KCNQ5: variants seen among roughly 807,000 people sequenced by gnomAD.
KCNQ5 encodes potassium voltage-gated channel subfamily KQT member 5.
KCNQ5 carries 30 observed loss-of-function variants against 98.2 expected under a neutral mutation model. That is an observed-to-expected ratio of 0.31 (90% CI 0.23 to 0.41). The LOEUF is 0.41. Among genes scored for constraint, KCNQ5 ranks in the 10% least tolerant of loss-of-function variants. KCNQ5 has a pLI of 1.00. For synonymous variants in KCNQ5, 458 were observed against 449.4 expected (o/e 1.02, Z -0.24); for missense variants, 835 against 1,182.5 (o/e 0.71, Z 4.31).
chr6:73,149,707 G>A (rs567860440), intron 10 of KCNQ5, among the ~76,000 whole-genome samples: 1 of 151,470 alleles, frequency 6.6e-6, no homozygotes, highest in East Asian at 2.0e-4. Context: ...TGAGGCGGAA[G>A]AATCGTTTGA....
chr6:72,903,171 T>A (rs528746798), intron 1 of KCNQ5, among the ~76,000 whole-genome samples: 42 of 152,302 alleles, frequency 2.8e-4, no homozygotes, highest in African/African-American at 1.0e-3. Context: ...GTGGTGTCAG[T>A]TTTAATATCT....
rs185754411 is a variant in KCNQ5, at chr6:72,683,507, A to G, written c.398+60920A>G. Among the ~76,000 whole-genome samples, 6 of 151,682 alleles carry G rather than the reference A, an allele frequency of 4.0e-5. No homozygotes were observed. The East Asian group carries it at 5.8e-4, about 15-fold the overall frequency. On this transcript the variant is annotated intron_variant, in intron 1 of 13. Coordinates refer to ENST00000370398, the MANE Select transcript of KCNQ5 (RefSeq NM_019842.4). ...CTCAGCCTTCCGAGTAGCTGGGACT[A>G]CAGGTATGTGCCACCACACCCGGCT... is the stretch of plus-strand genomic sequence containing the variant.
At chr6:73,119,992 C>G (rs1289793926) in intron 7 of KCNQ5, among the ~76,000 whole-genome samples, 1 of 151,468 alleles carries the variant, frequency 6.6e-6, no homozygotes, top group African/African-American at 2.4e-5. Flanking sequence ...AATCCCAGCA[C>G]TTTGGGAGGC....
At chr6:73,160,013 GTTTGTTT>G (rs888201413) in intron 10 of KCNQ5, among the ~76,000 whole-genome samples, 2 of 151,798 alleles carry the variant, frequency 1.3e-5, no homozygotes, top group African/African-American at 4.8e-5. Context: ...TTGTTTGTTT[GTTTGTTT>G]GTTTGTTTTT....
rs143350944 is a variant in KCNQ5, at chr6:73,073,680, G to T, written c.617-3642G>T. ...AATACAAGTGTCTAATATAATTCTTGACAGTCAATTAACTACTTAATACAT... is the reference window on the plus strand; with the variant it reads ...AATACAAGTGTCTAATATAATTCTTTACAGTCAATTAACTACTTAATACAT... On this transcript the variant is annotated intron_variant, in intron 3 of 13. Transcript: ENST00000370398. Among the ~76,000 whole-genome samples the T allele has an allele frequency of 2.2e-3, 331 of 152,230 alleles. 1 individual carries two copies. The highest frequency in any genetic ancestry group is 3.3e-3 in the Non-Finnish European group (226 of 68,008).
rs138788833 is a variant in KCNQ5 at position 73,143,841 on chromosome 6, T to C, written c.1468+10200T>C. 7.1e-3 allele frequency among the ~76,000 whole-genome samples: 1,082 copies of C among 152,276 alleles called. 11 individuals carry two copies. Among genetic ancestry groups the C allele is most frequent in the African/African-American group, 0.024 (1,010 of 41,556 alleles). ...AAGGCACCTTCCTCATTCTTCAGAC[T>C]TCATAGTTTTCAGAAATAACCTGTG... On this transcript the variant is annotated intron_variant, in intron 10 of 13. Transcript: ENST00000370398.
chr6:72,924,150 A>C (rs1191743776), intron 1 of KCNQ5, among the ~76,000 whole-genome samples: 1 of 152,158 alleles, frequency 6.6e-6, no homozygotes, highest in African/African-American at 2.4e-5. Context: ...CTTATAGTTC[A>C]TCTTCTAATC....
At chr6:72,752,746 T>A (rs939658864) in intron 1 of KCNQ5, among the ~76,000 whole-genome samples, 1 of 152,112 alleles carries the variant, frequency 6.6e-6, no homozygotes, top group Non-Finnish European at 1.5e-5. Context: ...CTAAGTTATT[T>A]TGAAGCTGTA....
At chr6:73,099,670 A>C (rs1234292310) in intron 5 of KCNQ5, among the ~76,000 whole-genome samples, 1 of 152,212 alleles carries the variant, frequency 6.6e-6, no homozygotes, top group Non-Finnish European at 1.5e-5. Flanking sequence ...TGGAGCACCC[A>C]GATATATAAA....
chr6:72,970,833 T>C (rs1275347108), intron 1 of KCNQ5, among the ~76,000 whole-genome samples: 1 of 152,116 alleles, frequency 6.6e-6, no homozygotes, highest in East Asian at 1.9e-4. Flanking sequence ...CCTTACACCT[T>C]ATACAAAAAT....
At chr6:72,911,359 G>A (rs938999699) in intron 1 of KCNQ5, among the ~76,000 whole-genome samples, 6 of 152,204 alleles carry the variant, frequency 3.9e-5, no homozygotes, top group South Asian at 2.1e-4. Flanking sequence ...CTCTCTTTCC[G>A]CCATGTGAGG....
chr6:72,648,848 G>A (rs1285396270), intron 1 of KCNQ5, among the ~76,000 whole-genome samples: 4 of 150,390 alleles, frequency 2.7e-5, no homozygotes, highest in African/African-American at 9.8e-5. Context: ...AAAAGCCTAC[G>A]TGTGTTTATG....
intron 1 of KCNQ5, among the ~76,000 whole-genome samples, chr6:72,686,673 A>C (rs1767965498): frequency 6.8e-6 from 1 of 148,024 alleles, no homozygotes; most frequent in African/African-American, 2.5e-5. Flanking sequence ...TGAAATTATA[A>C]ATTACTTCAC....
chr6:73,146,389 C>T (rs1776924703), intron 10 of KCNQ5, among the ~76,000 whole-genome samples: 1 of 152,128 alleles, frequency 6.6e-6, no homozygotes. Context: ...CTTTGGGAGG[C>T]CCAGGCCTGT....
intron 1 of KCNQ5, among the ~76,000 whole-genome samples, chr6:72,921,791 A>T (rs1456640941): frequency 6.6e-6 from 1 of 152,180 alleles, no homozygotes; most frequent in Non-Finnish European, 1.5e-5. Flanking sequence ...GACATTTTTG[A>T]CAGAAAATTT....
chr6:73,160,743 T>C (rs1351608443), intron 10 of KCNQ5, among the ~76,000 whole-genome samples: 1 of 152,176 alleles, frequency 6.6e-6, no homozygotes, highest in Admixed American at 6.5e-5. Context: ...GAGATGTCAT[T>C]TTTCTACCTA....
chr6:72,910,300 A>AC (rs1486897180), intron 1 of KCNQ5, among the ~76,000 whole-genome samples: 1 of 152,144 alleles, frequency 6.6e-6, no homozygotes, highest in Non-Finnish European at 1.5e-5. Context: ...AATTCTTTTA[A>AC]CCTTCTCATC....
chr6:72,861,827 T>A (rs370607185), intron 1 of KCNQ5, among the ~76,000 whole-genome samples: 10 of 147,134 alleles, frequency 6.8e-5, no homozygotes, highest in Non-Finnish European at 4.5e-5. Flanking sequence ...TAAAGTATAA[T>A]AAAAAAAAAA....
At chr6:72,972,160 C>T (rs937794592) in intron 1 of KCNQ5, among the ~76,000 whole-genome samples, 5 of 152,146 alleles carry the variant, frequency 3.3e-5, no homozygotes, top group Non-Finnish European at 1.5e-5. Flanking sequence ...CAGCCCCTAC[C>T]TCTGCAAACT....
Sources: gnomAD v4.1 joint callset for allele counts (sites outside exome capture counted in the v4.1 genomes callset) on GRCh38, gnomAD v4.1.1 for gene constraint, MANE v1.5 for transcripts, NCBI Gene and HGNC (gene_info 2026-07-23, HGNC 2026-07-21) for gene names.